DCAF7: variants seen among roughly 807,000 people sequenced by gnomAD.
DCAF7 encodes DDB1- and CUL4-associated factor 7.
In DCAF7, 4 loss-of-function variants were observed where a neutral mutation model predicts 41.2. That is an observed-to-expected ratio of 0.10 (90% CI 0.05 to 0.22). The LOEUF is 0.22. Among genes scored for constraint, DCAF7 ranks in the 10% least tolerant of loss-of-function variants. The pLI is 1.00. For synonymous variants in DCAF7, 143 were observed against 164.2 expected (o/e 0.87, Z 0.99); for missense variants, 131 against 443.2 (o/e 0.30, Z 6.32).
In DCAF7 at chr17:63,591,346, CA is replaced by C. The variant is rs1001515625; in HGVS notation, c.*2176del. 15 of 151,974 alleles carry C rather than the reference CA, an allele frequency of 9.9e-5. No individual in the cohort carries two copies. The highest frequency in any genetic ancestry group is 3.6e-4 in the African/African-American group (15 of 41,338). 9.4% of individuals were successfully genotyped at this position (151,974 alleles called of 1,614,324 possible). A position where few individuals can be genotyped will look rare whatever the true frequency, so the allele number is the denominator to read the frequency against. ...GAATTTGTCAGCTGGAACTCAGAAA[CA>C]ACAACTTGAAAAAAAAATAATAATT... On this transcript the variant is annotated 3_prime_UTR_variant, in exon 7 of 7. Transcript: ENST00000614556.
intron 1 of DCAF7, among the ~76,000 whole-genome samples, chr17:63,560,123 A>G (rs1437863928): frequency 6.6e-6 from 1 of 152,066 alleles, no homozygotes; most frequent in Non-Finnish European, 1.5e-5. Flanking sequence ...TCTTGAACGT[A>G]TGAAGAACTG....
At chr17:63,580,983 A>G (rs1267589704) in intron 4 of DCAF7, among the ~76,000 whole-genome samples, 2 of 152,158 alleles carry the variant, frequency 1.3e-5, no homozygotes, top group Non-Finnish European at 1.5e-5. Flanking sequence ...ATTAATATCT[A>G]TACAGATAAA....
intron 1 of DCAF7, among the ~76,000 whole-genome samples, chr17:63,577,693 G>A (rs1215878952): frequency 3.9e-5 from 6 of 152,112 alleles, no homozygotes; most frequent in African/African-American, 1.4e-4. Context: ...GTGCACTATT[G>A]GATTTTTAAG....
At position 63,583,482 on chromosome 17, in the gene DCAF7, A is replaced by G; in HGVS notation, c.529-20A>G. 6.2e-7 allele frequency: 1 copy of G among 1,607,804 alleles called. No individual in the cohort carries two copies. On this transcript the variant is annotated intron_variant, in intron 4 of 6. Transcript: ENST00000614556. Reference sequence around the variant, plus strand: ...AGGTAATGGATCTGAATCTGACTGGAGCTTCTTGTTCACCAACAGGTCTAT... The same window carrying G: ...AGGTAATGGATCTGAATCTGACTGGGGCTTCTTGTTCACCAACAGGTCTAT...
intron 1 of DCAF7, among the ~76,000 whole-genome samples, chr17:63,567,032 G>A (rs115413128): frequency 0.031 from 4,698 of 151,766 alleles, 230 homozygotes; most frequent in African/African-American, 0.11. Flanking sequence ...TCAAACTACT[G>A]GGCTCAAGTG....
In DCAF7 at chr17:63,592,050, C is replaced by G. The variant is rs2033739162; in HGVS notation, c.*2878C>G. ...TTTTATGCTCAGGAGCATTGGAATCCTCTTCTTCCAGGGAGGAATTAGCCT... is the reference window on the plus strand; with the variant it reads ...TTTTATGCTCAGGAGCATTGGAATCGTCTTCTTCCAGGGAGGAATTAGCCT... On this transcript the variant is annotated 3_prime_UTR_variant, in exon 7 of 7. Transcript: ENST00000614556. 1 of 152,230 alleles carries G rather than the reference C, an allele frequency of 6.6e-6. No homozygotes were observed. The highest frequency in any genetic ancestry group is 6.5e-5 in the Admixed American group (1 of 15,278). 9.4% of individuals were successfully genotyped at this position (152,230 alleles called of 1,614,324 possible). A position where few individuals can be genotyped will look rare whatever the true frequency, so the allele number is the denominator to read the frequency against.
At chr17:63,555,100 A>G (rs1259653726) in intron 1 of DCAF7, among the ~76,000 whole-genome samples, 1 of 152,210 alleles carries the variant, frequency 6.6e-6, no homozygotes, top group Non-Finnish European at 1.5e-5. Context: ...TGTTTTGACA[A>G]TATGTTTGGT....
intron 1 of DCAF7, among the ~76,000 whole-genome samples, chr17:63,574,064 G>A (rs773079234): frequency 1.1e-4 from 16 of 152,110 alleles, no homozygotes; most frequent in Non-Finnish European, 2.1e-4. Context: ...CTGCATCTCC[G>A]CTGCACTCCC....
At chr17:63,572,369 G>T (rs2033516922) in intron 1 of DCAF7, among the ~76,000 whole-genome samples, 1 of 152,200 alleles carries the variant, frequency 6.6e-6, no homozygotes, top group Non-Finnish European at 1.5e-5. Flanking sequence ...TGGGTCAGTG[G>T]AAAGGATGTA....
At chr17:63,574,094 G>T (rs987130626) in intron 1 of DCAF7, among the ~76,000 whole-genome samples, 7 of 152,120 alleles carry the variant, frequency 4.6e-5, no homozygotes, top group African/African-American at 1.7e-4. Context: ...TCTCAAACAG[G>T]CCTGCTTGCT....
At chr17:63,580,507 C>CT (rs530801174) in intron 4 of DCAF7, among the ~76,000 whole-genome samples, 2,373 of 43,888 alleles carry the variant, frequency 0.054, 573 homozygotes, top group Non-Finnish European at 0.064. Flanking sequence ...TTTGTGATTG[C>CT]TTTTTTTTTT....
In DCAF7 at chr17:63,574,063, C is replaced by T. The variant is rs1297139328; in HGVS notation, c.139-4407C>T. Among the ~76,000 whole-genome samples, 10 of 152,278 alleles carry T rather than the reference C, an allele frequency of 6.6e-5. No individual in the cohort carries two copies. The East Asian group carries it at 7.7e-4, about 12-fold the overall frequency. The stretch of plus-strand genomic sequence containing the variant: ...CAGCACACCTTCCCAGCTGCATCTC[C>T]GCTGCACTCCCACGTGGCTCTCTCA... On this transcript the variant is annotated intron_variant, in intron 1 of 6. Coordinates refer to ENST00000614556, the MANE Select transcript of DCAF7 (RefSeq NM_005828.5).
chr17:63,585,118 A>G lies in DCAF7; in HGVS notation c.739-93A>G, dbSNP rs555472962. On this transcript the variant is annotated intron_variant, in intron 5 of 6. Coordinates refer to ENST00000614556, the MANE Select transcript of DCAF7 (RefSeq NM_005828.5). ...TCTTTAAATCCACAAATGAAAAATT[A>G]TGCCTAAAAAGATTTTTGCATGTGG... 12 of 980,190 alleles carry G rather than the reference A, an allele frequency of 1.2e-5. No homozygotes were observed. In the African/African-American group the frequency reaches 1.6e-4, roughly 13 times the overall value. The allele number at this position is 980,190 out of a possible 1,614,324, so 60.7% of individuals were successfully genotyped here.
intron 1 of DCAF7, among the ~76,000 whole-genome samples, chr17:63,575,135 G>A (rs2033547737): frequency 6.6e-6 from 1 of 152,106 alleles, no homozygotes; most frequent in African/African-American, 2.4e-5. Flanking sequence ...TGGCCAACAT[G>A]GTGAAACCCT....
In DCAF7 at chr17:63,592,917, TTTCTC is replaced by T. The variant is rs1421513245; in HGVS notation, c.*3749_*3753del. ...CAGACTTTCCCCCTCCTTTTTCTCTTTTCTCTTCCCCTTGCTTTTCCACTGTTTCT... is the reference window on the plus strand; with the variant it reads ...CAGACTTTCCCCCTCCTTTTTCTCTTTTCCCCTTGCTTTTCCACTGTTTCT... On this transcript the variant is annotated 3_prime_UTR_variant, in exon 7 of 7. Coordinates refer to ENST00000614556, the MANE Select transcript of DCAF7 (RefSeq NM_005828.5). 1 of 152,618 alleles carries T rather than the reference TTTCTC, an allele frequency of 6.6e-6. No individual in the cohort carries two copies. The highest frequency in any genetic ancestry group is 1.5e-5 in the Non-Finnish European group (1 of 68,424). 9.5% of individuals were successfully genotyped at this position (152,618 alleles called of 1,614,324 possible). A position where few individuals can be genotyped will look rare whatever the true frequency, so the allele number is the denominator to read the frequency against.
At chr17:63,551,304 C>A (rs2033250930) in intron 1 of DCAF7, among the ~76,000 whole-genome samples, 1 of 97,116 alleles carries the variant, frequency 1.0e-5, no homozygotes, top group Non-Finnish European at 2.3e-5. Flanking sequence ...GCCCCCTACT[C>A]CCACCCCCCC....
At chr17:63,585,382 T>C in intron 6 of DCAF7, 54 bp downstream of exon 6, 1 of 1,481,442 alleles carries the variant, frequency 6.8e-7, no homozygotes, top group East Asian at 2.3e-5. Context: ...ATCTGTTCTC[T>C]TGGCTCCTTA....
intron 5 of DCAF7, 82 bp downstream of exon 5, chr17:63,583,793 G>A: frequency 2.1e-6 from 3 of 1,411,150 alleles, no homozygotes; most frequent in Non-Finnish European, 2.9e-6. Context: ...TTCTCAACTG[G>A]AGCAGTTTGG....
intron 6 of DCAF7, 140 bp from the exon 7 acceptor site, chr17:63,588,860 C>T: frequency 2.2e-6 from 2 of 924,752 alleles, no homozygotes; most frequent in Non-Finnish European, 3.1e-6. Flanking sequence ...TCTCGATTTC[C>T]TCATCGATAA....
Sources: gnomAD v4.1 joint callset for allele counts (sites outside exome capture counted in the v4.1 genomes callset) on GRCh38, gnomAD v4.1.1 for gene constraint, MANE v1.5 for transcripts, NCBI Gene and HGNC (gene_info 2026-07-23, HGNC 2026-07-21) for gene names.